USF2: variants seen among roughly 807,000 people sequenced by gnomAD.
USF2 encodes the protein upstream stimulatory factor 2.
Under a neutral mutation model 46.9 loss-of-function variants are expected in USF2, and 16 were observed. The ratio of observed to expected loss-of-function variants is 0.34; its 90% confidence interval spans 0.23 to 0.52. The LOEUF is 0.52. USF2 is among the 20% of genes least tolerant of loss of function. USF2 has a pLI of 0.96. For synonymous variants in USF2, 239 were observed against 194.1 expected, an observed-to-expected ratio of 1.23 and a Z score of -1.92; for missense variants, 411 against 474.0, an observed-to-expected ratio of 0.87 and a Z score of 1.23.
At chr19:35,274,269 A>G (rs1175507827) in intron 7 of USF2, among the ~76,000 whole-genome samples, 1 of 152,182 alleles carries the variant, frequency 6.6e-6, no homozygotes, top group African/African-American at 2.4e-5. Flanking sequence ...TACCCCTGTC[A>G]CAGCTGCCCA....
At chr19:35,276,559 C>G (rs939137579) in intron 7 of USF2, among the ~76,000 whole-genome samples, 10 of 152,264 alleles carry the variant, frequency 6.6e-5, no homozygotes, top group Middle Eastern at 3.4e-3. Context: ...GAGATGCGGT[C>G]CTGACCTGCG....
rs150053370 is a variant in USF2 at position 35,270,027 on chromosome 19, T to TG, written c.429+33dup. The TG allele has an allele frequency of 1.4e-3, 1,798 of 1,264,900 alleles. 1 individual carries two copies. Among genetic ancestry groups the TG allele is most frequent in the Middle Eastern group, 5.6e-3 (19 of 3,404 alleles). 78.4% of individuals were successfully genotyped at this position (1,264,900 alleles called of 1,614,324 possible). ...TGGTAGGTGCCCTGCCACCCCTGGG[T>TG]GGGGGGGGGAGGGAGTGGAGAGGGG... On this transcript the variant is annotated intron_variant, in intron 4 of 9. Coordinates refer to ENST00000222305, the MANE Select transcript of USF2 (RefSeq NM_003367.4).
intron 7 of USF2, among the ~76,000 whole-genome samples, chr19:35,274,787 G>A (rs542401659): frequency 1.3e-5 from 2 of 152,304 alleles, no homozygotes; most frequent in South Asian, 4.1e-4. Context: ...AACAGACCCA[G>A]ACCTTGTGTC....
intron 7 of USF2, among the ~76,000 whole-genome samples, chr19:35,273,237 C>T (rs1048008684): frequency 2.0e-5 from 3 of 152,210 alleles, no homozygotes; most frequent in African/African-American, 7.2e-5. Context: ...CCATCTGGCT[C>T]ATGGCTCTAC....
At chr19:35,272,821 G>A (rs2066176452) in intron 7 of USF2, among the ~76,000 whole-genome samples, 1 of 152,066 alleles carries the variant, frequency 6.6e-6, no homozygotes. Flanking sequence ...TGCTTGGAAG[G>A]GAAGGGGTGC....
intron 6 of USF2, 133 bp from the exon 7 acceptor site, chr19:35,270,950 A>G: frequency 1.4e-6 from 2 of 1,424,612 alleles, no homozygotes; most frequent in South Asian, 2.4e-5. Context: ...TAGTGCACAT[A>G]AAGTATCATG....
Position 35,271,102 on chromosome 19 carries a change from A to T in USF2, c.688A>T (p.Thr230Ser), listed in dbSNP as rs529219305. Residue 230 changes from threonine (T) to serine (S), a missense_variant, in exon 7 of 10, where the codon ACA becomes TCA. By Grantham distance (58) the Thr-to-Ser change is moderately conservative. Coordinates refer to ENST00000222305, the MANE Select transcript of USF2 (RefSeq NM_003367.4). ...PYSPKIDGTR[T>S]PRDERRRAQH... The stretch of plus-strand genomic sequence containing the variant: ...TTGTAGAAAAATTGATGGAACCAGA[A>T]CACCCCGAGATGAGAGGAGAAGAGC... The T allele has an allele frequency of 2.5e-6, 4 of 1,613,972 alleles. No homozygotes were observed. Among genetic ancestry groups the T allele is most frequent in the Non-Finnish European group, 3.4e-6 (4 of 1,179,984 alleles).
chr19:35,278,799 AC>A lies in USF2; in HGVS notation c.822+11del. ...CAACAGCAAGACGGGAGCGGTGAGC[AC>A]CCCGGACCCTCAGTGTCTGCGGTGG... is the stretch of plus-strand genomic sequence containing the variant. On this transcript the variant is annotated splice_region_variant and intron_variant, in intron 8 of 9. Coordinates refer to ENST00000222305, the MANE Select transcript of USF2 (RefSeq NM_003367.4). 6.2e-7 allele frequency: 1 copy of A among 1,613,154 alleles called. No homozygotes were observed. The highest frequency in any genetic ancestry group is 8.5e-7 in the Non-Finnish European group (1 of 1,179,758).
intron 7 of USF2, among the ~76,000 whole-genome samples, chr19:35,276,625 A>G (rs1407006331): frequency 6.6e-6 from 1 of 152,122 alleles, no homozygotes; most frequent in East Asian, 1.9e-4. Context: ...CCACCCCTGC[A>G]TACCCTGAAA....
Position 35,270,498 on chromosome 19 carries a change from G to C in USF2, c.481G>C (p.Val161Leu). 6.2e-7 allele frequency: 1 copy of C among 1,614,170 alleles called. No homozygotes were observed. Among genetic ancestry groups the C allele is most frequent in the Non-Finnish European group, 8.5e-7 (1 of 1,180,022 alleles). ...SNGGSPAAEAVSGEARFAYFP... is the reference protein window; with the variant it reads ...SNGGSPAAEALSGEARFAYFP... ...TGGTGGCAGTCCGGCGGCCGAGGCT[G>C]TCAGCGGGGAGGCACGATTTGCCTA... is the stretch of plus-strand genomic sequence containing the variant. The change falls in exon 5 of 10, where the codon GTC becomes CTC. Residue 161 changes from valine to leucine, a missense_variant. Transcript: ENST00000222305.
At chr19:35,271,059 C>T (rs2066147848) in intron 6 of USF2, 24 bp from the exon 7 acceptor site, 1 of 1,613,798 alleles carries the variant, frequency 6.2e-7, no homozygotes, top group East Asian at 2.2e-5. Context: ...ATACATGCCC[C>T]CTTTTTTTTT....
intron 7 of USF2, chr19:35,278,451 C>T (rs972850297): frequency 2.1e-6 from 1 of 479,786 alleles, no homozygotes; most frequent in Non-Finnish European, 3.7e-6. Context: ...TCTCCAAGTG[C>T]CTGGCCTTTG....
At position 35,270,589 on chromosome 19, in the gene USF2, A is replaced by C; in HGVS notation, c.572A>C (p.Gln191Pro). Reference protein sequence around the residue: ...VSVQTTDQSLQAGGQFYVMMT... With the variant: ...VSVQTTDQSLPAGGQFYVMMT... ...GTACAGACCACAGACCAGAGCTTGC[A>C]GGCTGGAGGTGAGGAGTAGAAGTCA... Residue 191 changes from glutamine to proline, a missense_variant, in exon 5 of 10, where the codon CAG becomes CCG. Gln to Pro is a moderately conservative substitution (Grantham distance 76). Coordinates refer to ENST00000222305, the MANE Select transcript of USF2 (RefSeq NM_003367.4). 1 of 1,613,572 alleles carries C rather than the reference A, an allele frequency of 6.2e-7. No homozygotes were observed. Among genetic ancestry groups the C allele is most frequent in the Non-Finnish European group, 8.5e-7 (1 of 1,179,568 alleles).
intron 5 of USF2, 28 bp from the exon 6 acceptor site, chr19:35,270,690 T>C: frequency 6.2e-7 from 1 of 1,613,344 alleles, no homozygotes; most frequent in Non-Finnish European, 8.5e-7. Flanking sequence ...CACCCTGCCT[T>C]GCCACTAACC....
chr19:35,271,060 CT>C (rs561899149), intron 6 of USF2, 22 bp from the exon 7 acceptor site: 103 of 1,591,276 alleles, frequency 6.5e-5, no homozygotes, highest in Non-Finnish European at 7.1e-5. Flanking sequence ...TACATGCCCC[CT>C]TTTTTTTTCC....
At chr19:35,269,288 C>T (rs1568454768) in intron 1 of USF2, 125 bp downstream of exon 1, 1 of 890,030 alleles carries the variant, frequency 1.1e-6, no homozygotes, top group Non-Finnish European at 1.3e-6. Context: ...GCCGCCGGCG[C>T]GGGGGGGACC....
intron 7 of USF2, 52 bp from the exon 8 acceptor site, chr19:35,278,646 G>T: frequency 6.3e-7 from 1 of 1,589,676 alleles, no homozygotes; most frequent in African/African-American, 1.3e-5. Context: ...GAGGACGGCC[G>T]CTCAGGCATG....
chr19:35,270,828 G>A (rs1159205708), intron 6 of USF2, 23 bp downstream of exon 6: 19 of 1,613,422 alleles, frequency 1.2e-5, no homozygotes, highest in Non-Finnish European at 1.6e-5. Flanking sequence ...GACACCTGGA[G>A]GGCCTGGTGT....
At chr19:35,275,796 G>A (rs1032725066) in intron 7 of USF2, 1 of 152,150 alleles carries the variant, frequency 6.6e-6, no homozygotes, top group Non-Finnish European at 1.5e-5. Context: ...CTTGAAATTC[G>A]ATGAGACTTA....
Sources: gnomAD v4.1 joint callset for allele counts (sites outside exome capture counted in the v4.1 genomes callset) on GRCh38, gnomAD v4.1.1 for gene constraint, MANE v1.5 for transcripts, NCBI Gene and HGNC (gene_info 2026-07-23, HGNC 2026-07-21) for gene names.